ADAMTSL1: variants seen among roughly 807,000 people sequenced by gnomAD.
ADAMTSL1 encodes the protein ADAMTS like 1, also known as ADAMTS-like protein 1.
In ADAMTSL1, 126 loss-of-function variants were observed where a neutral mutation model predicts 201.8. The observed-to-expected ratio is 0.62, with a 90% CI of 0.54 to 0.72. The LOEUF is 0.72. ADAMTSL1 is among the 30% of genes least tolerant of loss of function. The pLI, the probability that ADAMTSL1 is intolerant of heterozygous loss-of-function variation, is 0.00. For synonymous variants in ADAMTSL1, 1,121 were observed against 903.4 expected (o/e 1.24, Z -4.32); for missense variants, 2,679 against 2,277.8 (o/e 1.18, Z -3.59).
chr9:18,071,752 C>G (rs1299667231), intron 1 of ADAMTSL1, among the ~76,000 whole-genome samples: 2 of 152,170 alleles, frequency 1.3e-5, no homozygotes, highest in South Asian at 2.1e-4. Flanking sequence ...AAGCACGTGC[C>G]CATACCTCAG....
chr9:18,307,150 A>AT (rs1320744544), intron 2 of ADAMTSL1, among the ~76,000 whole-genome samples: 1 of 152,104 alleles, frequency 6.6e-6, no homozygotes, highest in Non-Finnish European at 1.5e-5. Context: ...ATGCTGAGAG[A>AT]TTTTTTCACC....
At chr9:18,079,419 C>A (rs9987690) in intron 1 of ADAMTSL1, among the ~76,000 whole-genome samples, 42,392 of 151,942 alleles carry the variant, frequency 0.28, 7,511 homozygotes, top group Non-Finnish European at 0.39. Context: ...TGGCTCACAC[C>A]TGTAATCCCA....
chr9:18,572,551 A>C (rs927942181), intron 3 of ADAMTSL1, among the ~76,000 whole-genome samples: 2 of 152,290 alleles, frequency 1.3e-5, no homozygotes, highest in South Asian at 4.1e-4. Flanking sequence ...ACATAATACT[A>C]ACAGTAAAAT....
At chr9:18,871,590 G>A (rs1827872672) in intron 23 of ADAMTSL1, among the ~76,000 whole-genome samples, 2 of 151,964 alleles carry the variant, frequency 1.3e-5, no homozygotes, top group African/African-American at 4.8e-5. Context: ...TTTCATCTTG[G>A]GGTTCCATCA....
At chr9:18,901,004 G>T (rs545373829) in intron 26 of ADAMTSL1, among the ~76,000 whole-genome samples, 1 of 151,970 alleles carries the variant, frequency 6.6e-6, no homozygotes, top group African/African-American at 2.4e-5. Flanking sequence ...CCTCCCTCCC[G>T]TCTCTTACCA....
chr9:18,068,558 A>G (rs1231412054), intron 1 of ADAMTSL1, among the ~76,000 whole-genome samples: 2 of 152,124 alleles, frequency 1.3e-5, no homozygotes, highest in Non-Finnish European at 2.9e-5. Context: ...AATGCACCTC[A>G]AAATGGTAAA....
At position 18,021,795 on chromosome 9, in the gene ADAMTSL1, G is replaced by A. The variant is rs1256844153; in HGVS notation, c.87+114873G>A. ...CTCTTTTAAGCTTATTGCAGATGTG[G>A]AGTCTCATGTCAAGAATGGAACATT... On this transcript the variant is annotated intron_variant, in intron 1 of 29. Transcript: ENST00000680146. Among the ~76,000 whole-genome samples the A allele has an allele frequency of 3.3e-5, 5 of 152,108 alleles. No individual in the cohort carries two copies. In the East Asian group the frequency reaches 9.7e-4, roughly 30 times the overall value.
intron 4 of ADAMTSL1, among the ~76,000 whole-genome samples, chr9:18,582,821 C>G (rs573972507): frequency 8.0e-5 from 12 of 150,820 alleles, no homozygotes; most frequent in Non-Finnish European, 1.6e-4. Flanking sequence ...TGCACTCCAG[C>G]CTGGGCGACA....
At chr9:18,674,976 T>C (rs900328254) in intron 9 of ADAMTSL1, among the ~76,000 whole-genome samples, 1 of 145,862 alleles carries the variant, frequency 6.9e-6, no homozygotes, top group Non-Finnish European at 1.5e-5. Context: ...GAGACTTTAG[T>C]TGAAATCAGT....
At chr9:18,691,127 C>T (rs1426453357) in intron 13 of ADAMTSL1, among the ~76,000 whole-genome samples, 1 of 152,184 alleles carries the variant, frequency 6.6e-6, no homozygotes, top group African/African-American at 2.4e-5. Flanking sequence ...GTTTGGATAT[C>T]ATATCATGAG....
chr9:18,203,605 G>A (rs1342814088), intron 2 of ADAMTSL1, among the ~76,000 whole-genome samples: 1 of 151,834 alleles, frequency 6.6e-6, no homozygotes, highest in East Asian at 1.9e-4. Flanking sequence ...TGATTATATA[G>A]TTTATGTGCA....
intron 1 of ADAMTSL1, among the ~76,000 whole-genome samples, chr9:17,922,820 T>C (rs947357594): frequency 2.6e-5 from 4 of 152,158 alleles, no homozygotes; most frequent in East Asian, 1.9e-4. Context: ...GTGTCTTTAT[T>C]TGTAGTAACT....
intron 2 of ADAMTSL1, among the ~76,000 whole-genome samples, chr9:18,325,184 T>C (rs756203824): frequency 3.9e-4 from 59 of 152,200 alleles, no homozygotes; most frequent in Admixed American, 1.1e-3. Flanking sequence ...GTTTGACAAT[T>C]TCTTATAAAG....
chr9:18,616,471 A>C lies in ADAMTSL1; in HGVS notation c.475-5772A>C, dbSNP rs545590620. Reference sequence around the variant, plus strand: ...ATTGTCTTTCAGAAGACTCACAATTAATGTGTATCTATTATTTTGGTACTT... The same window carrying C: ...ATTGTCTTTCAGAAGACTCACAATTCATGTGTATCTATTATTTTGGTACTT... On this transcript the variant is annotated intron_variant, in intron 4 of 28. Coordinates refer to ENST00000380548, the MANE Select transcript of ADAMTSL1 (RefSeq NM_001040272.6). 2.6e-5 allele frequency among the ~76,000 whole-genome samples: 4 copies of C among 152,286 alleles called. No individual in the cohort carries two copies. The South Asian group carries it at 6.2e-4, about 24-fold the overall frequency.
intron 1 of ADAMTSL1, among the ~76,000 whole-genome samples, chr9:18,499,018 A>C (rs911572231): frequency 3.3e-5 from 5 of 152,266 alleles, no homozygotes; most frequent in Admixed American, 2.0e-4. Flanking sequence ...AGAAAGCAAA[A>C]GGGAGACAGG....
chr9:18,389,502 A>C (rs528360846), intron 2 of ADAMTSL1, among the ~76,000 whole-genome samples: 1 of 152,292 alleles, frequency 6.6e-6, no homozygotes, highest in South Asian at 2.1e-4. Flanking sequence ...TATTGAAATC[A>C]TTTCATCCAG....
chr9:18,838,748 G>T (rs199518059), intron 23 of ADAMTSL1, among the ~76,000 whole-genome samples: 2 of 151,698 alleles, frequency 1.3e-5, no homozygotes, highest in East Asian at 3.9e-4. Context: ...AGTCCTAGCT[G>T]CTTGGGAGGC....
intron 2 of ADAMTSL1, among the ~76,000 whole-genome samples, chr9:18,244,455 C>T (rs749740726): frequency 2.0e-5 from 3 of 152,062 alleles, no homozygotes; most frequent in Non-Finnish European, 2.9e-5. Context: ...CATTTTTCAT[C>T]CCACACCCCA....
intron 1 of ADAMTSL1, among the ~76,000 whole-genome samples, chr9:18,048,818 TC>T (rs1357199893): frequency 6.6e-6 from 1 of 152,140 alleles, no homozygotes; most frequent in Admixed American, 6.5e-5. Flanking sequence ...AGACAGTCCA[TC>T]CCATATGTCT....
Sources: gnomAD v4.1 joint callset for allele counts (sites outside exome capture counted in the v4.1 genomes callset) on GRCh38, gnomAD v4.1.1 for gene constraint, MANE v1.5 for transcripts, NCBI Gene and HGNC (gene_info 2026-07-23, HGNC 2026-07-21) for gene names.